The following OXR1 variants were observed in gnomAD, a reference collection of about 807,000 sequenced individuals.
OXR1 encodes oxidation resistance 1.
A neutral mutation model predicts 104.6 loss-of-function variants in OXR1; 41 were observed. The ratio of observed to expected loss-of-function variants is 0.39; its 90% CI spans 0.31 to 0.51. The LOEUF (loss-of-function observed/expected upper bound fraction) is 0.51. Among genes scored for constraint, OXR1 ranks in the 20% least tolerant of loss-of-function variants. The pLI, the probability that OXR1 is intolerant of heterozygous loss-of-function variation, is 0.77. For missense variants in OXR1, 955 were observed against 1,031.9 expected (o/e 0.93, Z 1.02); for synonymous variants, 348 against 348.4 (o/e 1.00, Z 0.01).
chr8:106,282,577 A>G (rs1812333325), intron 1 of OXR1, among the ~76,000 whole-genome samples: 3 of 152,242 alleles, frequency 2.0e-5, no homozygotes, highest in Non-Finnish European at 2.9e-5. Context: ...TATGTATTAT[A>G]TACTGTATTC....
At chr8:106,680,033 A>G (rs944520246) in intron 4 of OXR1, among the ~76,000 whole-genome samples, 5 of 152,088 alleles carry the variant, frequency 3.3e-5, no homozygotes, top group African/African-American at 4.8e-5. Context: ...TAGCATTTGT[A>G]TCATTATGAA....
At chr8:106,744,081 A>G (rs946934603) in intron 15 of OXR1, among the ~76,000 whole-genome samples, 2 of 152,214 alleles carry the variant, frequency 1.3e-5, no homozygotes, top group African/African-American at 4.8e-5. Flanking sequence ...AGCATCAGAA[A>G]TAATAGCTAA....
intron 3 of OXR1, among the ~76,000 whole-genome samples, chr8:106,585,894 T>C (rs1818593295): frequency 6.6e-6 from 1 of 152,282 alleles, no homozygotes; most frequent in Admixed American, 6.5e-5. Flanking sequence ...TACATGTTAC[T>C]AGAGTGAACA....
rs186695319 is a variant in OXR1, at chr8:106,463,976, A to G, written c.24-54967A>G. ...CATAACTGATTTCACTCAAAACTAC[A>G]GATCGTTCCAATTGCAGAATGTAGT... On this transcript the variant is annotated intron_variant, in intron 2 of 16. Coordinates refer to ENST00000517566, the MANE Select transcript of OXR1 (RefSeq NM_001198533.2). Among the ~76,000 whole-genome samples the G allele has an allele frequency of 2.1e-3, 314 of 152,258 alleles. 3 individuals are homozygous for G. The highest frequency in any genetic ancestry group is 1.6e-3 in the Non-Finnish European group (111 of 68,012).
At chr8:106,555,680 G>A (rs1379867922) in intron 3 of OXR1, among the ~76,000 whole-genome samples, 2 of 151,880 alleles carry the variant, frequency 1.3e-5, no homozygotes, top group Non-Finnish European at 2.9e-5. Flanking sequence ...CTGACCTATA[G>A]AACTTGCATT....
rs766527237 is a variant in OXR1 at position 106,684,298 on chromosome 8, C to G, written c.464C>G (p.Ser155Cys). 6.2e-7 allele frequency: 1 copy of G among 1,610,784 alleles called. No individual in the cohort carries two copies. Among genetic ancestry groups the G allele is most frequent in the African/African-American group, 1.3e-5 (1 of 74,852 alleles). Residue 155 changes from serine to cysteine, a missense_variant, in exon 6 of 17, where the codon TCT becomes TGT. Ser to Cys is a moderately radical substitution (Grantham distance 112). This residue lies in a region of OXR1 where 849 missense variants were observed against 852.9 expected (regional missense o/e 1.00). Transcript: ENST00000517566. ...GTCTCCAGTGTTGAGAGCTCTCCAT[C>G]TCTAAGCCCCGTAAGTCCTCTGTCA... Reference protein sequence around the residue: ...EYVSSVESSPSLSPVSPLSPT... With the variant: ...EYVSSVESSPCLSPVSPLSPT...
intron 3 of OXR1, among the ~76,000 whole-genome samples, chr8:106,607,907 C>T (rs557632614): frequency 2.8e-4 from 42 of 151,824 alleles, no homozygotes; most frequent in Non-Finnish European, 1.5e-4. Context: ...AGTTCAGACT[C>T]GGCTGTGTCT....
chr8:106,342,313 C>T (rs1417746648), intron 1 of OXR1, among the ~76,000 whole-genome samples: 1 of 150,736 alleles, frequency 6.6e-6, no homozygotes, highest in Non-Finnish European at 1.5e-5. Context: ...TGCAGTGGCA[C>T]GATCTCAGCT....
chr8:106,270,716 C>T (rs982058076), intron 1 of OXR1, among the ~76,000 whole-genome samples: 5 of 151,884 alleles, frequency 3.3e-5, no homozygotes, highest in African/African-American at 1.2e-4. Context: ...GGGACAGCCG[C>T]AGAAGGAAAG....
At chr8:106,636,548 G>C (rs767822082) in intron 3 of OXR1, among the ~76,000 whole-genome samples, 34 of 152,128 alleles carry the variant, frequency 2.2e-4, no homozygotes, top group Non-Finnish European at 4.0e-4. Context: ...ATGCCTGACT[G>C]GTTTAGTAGA....
At chr8:106,726,206 A>ACAC in intron 11 of OXR1, 1 of 1,512,956 alleles carries the variant, frequency 6.6e-7, no homozygotes. Flanking sequence ...AACAGTTCTT[A>ACAC]CGTGATTTTA....
At chr8:106,721,045 C>T (rs1832781803) in intron 11 of OXR1, among the ~76,000 whole-genome samples, 1 of 152,002 alleles carries the variant, frequency 6.6e-6, no homozygotes, top group South Asian at 2.1e-4. Flanking sequence ...CAGCATCCAC[C>T]CCAAGTACCA....
chr8:106,418,987 C>A lies in OXR1; in HGVS notation c.23+59351C>A, dbSNP rs1383328823. 3.3e-5 allele frequency among the ~76,000 whole-genome samples: 5 copies of A among 152,122 alleles called. No individual in the cohort carries two copies. In the East Asian group the frequency reaches 9.6e-4, roughly 29 times the overall value. ...TTTATAAAAATGCTCATAACCAACG[C>A]TCATAACCATTACACATATAGCACT... On this transcript the variant is annotated intron_variant, in intron 2 of 16. Transcript: ENST00000517566.
At chr8:106,745,354 A>AAT (rs1391475693) in intron 15 of OXR1, among the ~76,000 whole-genome samples, 1 of 152,204 alleles carries the variant, frequency 6.6e-6, no homozygotes, top group Non-Finnish European at 1.5e-5. Context: ...GTGATCAGTA[A>AAT]ATATATATGC....
chr8:106,631,584 G>A (rs1822690372), intron 3 of OXR1, among the ~76,000 whole-genome samples: 1 of 152,118 alleles, frequency 6.6e-6, no homozygotes, highest in African/African-American at 2.4e-5. Flanking sequence ...ATTGTTAAAG[G>A]TAAAATATTT....
chr8:106,276,814 ACC>A, intron 1 of OXR1, among the ~76,000 whole-genome samples: 1 of 151,450 alleles, frequency 6.6e-6, no homozygotes, highest in Non-Finnish European at 1.5e-5. Flanking sequence ...TCAGGTATTC[ACC>A]TAAATTGTCA....
At chr8:106,331,835 G>T (rs1258501380) in intron 1 of OXR1, among the ~76,000 whole-genome samples, 3 of 151,978 alleles carry the variant, frequency 2.0e-5, no homozygotes, top group Admixed American at 1.3e-4. Flanking sequence ...CAGTATGCAG[G>T]AGGCTGAGGC....
chr8:106,722,203 A>G lies in OXR1; in HGVS notation c.1956+8218A>G, dbSNP rs1289535640. Among the ~76,000 whole-genome samples the G allele has an allele frequency of 2.0e-5, 3 of 152,156 alleles. No homozygotes were observed. In the East Asian group the frequency reaches 5.8e-4, roughly 29 times the overall value. On this transcript the variant is annotated intron_variant, in intron 11 of 16. Coordinates refer to ENST00000517566, the MANE Select transcript of OXR1 (RefSeq NM_001198533.2). ...ATGTTAAACGCACAAAACCCTCATG[A>G]TCTCTTCTCAGTCTAGCCAGCAAAA...
At chr8:106,614,380 T>C (rs1445776466) in intron 3 of OXR1, among the ~76,000 whole-genome samples, 1 of 152,208 alleles carries the variant, frequency 6.6e-6, no homozygotes, top group Non-Finnish European at 1.5e-5. Flanking sequence ...GGAAAGTAGA[T>C]AAGTCCGCTA....
Sources: allele counts gnomAD v4.1 joint callset (sites outside exome capture counted in the v4.1 genomes callset), GRCh38; gene constraint gnomAD v4.1.1; regional missense constraint gnomAD v4.1.1; transcripts MANE v1.5; gene names NCBI Gene and HGNC (gene_info 2026-07-23, HGNC 2026-07-21).